Variants in AFG1L observed in about 807,000 individuals in gnomAD.
The protein encoded by AFG1L is AFG1 like ATPase.
In AFG1L, 53 loss-of-function variants were observed where a neutral mutation model predicts 62.2. The observed-to-expected ratio is 0.85, with a 90% CI of 0.68 to 1.07. The LOEUF is 1.07. Among genes scored for constraint, AFG1L ranks in the 50% least tolerant of loss-of-function variants. The probability of loss-of-function intolerance (pLI) is 0.00; values close to 1 mark genes in which losing one functional copy is unlikely to be tolerated. For missense variants in AFG1L, 555 were observed against 590.5 expected, an observed-to-expected ratio of 0.94 and a Z score of 0.62; for synonymous variants, 228 against 210.3, an observed-to-expected ratio of 1.08 and a Z score of -0.73.
chr6:108,504,488 C>T (rs1258022216), intron 10 of AFG1L, among the ~76,000 whole-genome samples: 1 of 152,000 alleles, frequency 6.6e-6, no homozygotes, highest in Non-Finnish European at 1.5e-5. Context: ...TTCGTGGCAC[C>T]CCAAAGCAAT....
intron 3 of AFG1L, among the ~76,000 whole-genome samples, chr6:108,354,302 T>G (rs949857988): frequency 6.7e-6 from 1 of 148,792 alleles, no homozygotes; most frequent in Non-Finnish European, 1.5e-5. Context: ...GAACCCTATG[T>G]TTTTTTTTTG....
intron 1 of AFG1L, among the ~76,000 whole-genome samples, chr6:108,319,239 A>G (rs945200471): frequency 1.3e-5 from 2 of 152,176 alleles, no homozygotes; most frequent in Non-Finnish European, 2.9e-5. Flanking sequence ...CTTTAAAATT[A>G]ATTAATTAAT....
chr6:108,367,074 T>G (rs1779792672), intron 6 of AFG1L, among the ~76,000 whole-genome samples: 1 of 152,170 alleles, frequency 6.6e-6, no homozygotes, highest in Non-Finnish European at 1.5e-5. Flanking sequence ...TTGGTGCTGC[T>G]TCCCTTTACC....
At chr6:108,329,164 C>T (rs1046901161) in intron 2 of AFG1L, among the ~76,000 whole-genome samples, 2 of 149,812 alleles carry the variant, frequency 1.3e-5, no homozygotes, top group African/African-American at 2.4e-5. Flanking sequence ...TGGTCTTGAT[C>T]TCTGGGCTCA....
chr6:108,482,654 T>C (rs1186916241), intron 10 of AFG1L, among the ~76,000 whole-genome samples: 1 of 152,168 alleles, frequency 6.6e-6, no homozygotes, highest in Non-Finnish European at 1.5e-5. Context: ...CACAGACTTT[T>C]CGTTTTTGAT....
chr6:108,380,253 G>A (rs988531090), intron 6 of AFG1L, among the ~76,000 whole-genome samples: 1 of 152,206 alleles, frequency 6.6e-6, no homozygotes, highest in African/African-American at 2.4e-5. Context: ...AGCAGAGAGA[G>A]CCTCGCAGCA....
chr6:108,455,004 A>G (rs916806193), intron 8 of AFG1L, among the ~76,000 whole-genome samples: 2 of 152,176 alleles, frequency 1.3e-5, no homozygotes, highest in Admixed American at 6.5e-5. Context: ...GAAACTGTCT[A>G]CTTTCTTGAG....
chr6:108,494,849 C>T (rs568858129), intron 10 of AFG1L, among the ~76,000 whole-genome samples: 41 of 151,520 alleles, frequency 2.7e-4, no homozygotes, highest in Non-Finnish European at 5.6e-4. Context: ...CAGCTCACTG[C>T]AACCTACGCC....
At chr6:108,424,330 G>A (rs1770723857) in intron 7 of AFG1L, among the ~76,000 whole-genome samples, 2 of 152,156 alleles carry the variant, frequency 1.3e-5, no homozygotes, top group East Asian at 3.9e-4. Context: ...TTTAAACTAT[G>A]ATAGATTTCT....
intron 11 of AFG1L, among the ~76,000 whole-genome samples, chr6:108,515,365 A>C (rs1014651111): frequency 6.6e-6 from 1 of 152,194 alleles, no homozygotes; most frequent in Non-Finnish European, 1.5e-5. Flanking sequence ...CCACTCAACT[A>C]CATGGAAACT....
intron 8 of AFG1L, among the ~76,000 whole-genome samples, chr6:108,475,081 G>T (rs938367298): frequency 1.3e-5 from 2 of 152,166 alleles, no homozygotes; most frequent in African/African-American, 4.8e-5. Flanking sequence ...CATAAGGAAG[G>T]GGTCCAGTTT....
At chr6:108,389,851 G>A (rs1476093134) in intron 6 of AFG1L, among the ~76,000 whole-genome samples, 5 of 152,026 alleles carry the variant, frequency 3.3e-5, no homozygotes, top group Admixed American at 1.3e-4. Flanking sequence ...TGACAATTAC[G>A]TGTCTTGGAG....
At chr6:108,519,896 A>G in intron 12 of AFG1L, 86 bp downstream of exon 12, 1 of 769,080 alleles carries the variant, frequency 1.3e-6, no homozygotes, top group Non-Finnish European at 2.1e-6. Context: ...TGAAGAAGAA[A>G]TGCAGTGTAT....
intron 7 of AFG1L, among the ~76,000 whole-genome samples, chr6:108,411,413 G>A (rs529234682): frequency 6.6e-6 from 1 of 152,180 alleles, no homozygotes; most frequent in African/African-American, 2.4e-5. Context: ...AAGAGAGTAG[G>A]GGTTCTCCCA....
intron 7 of AFG1L, among the ~76,000 whole-genome samples, chr6:108,410,233 G>C (rs886806523): frequency 1.3e-5 from 2 of 152,092 alleles, no homozygotes; most frequent in Non-Finnish European, 2.9e-5. Flanking sequence ...CTTGAACCTG[G>C]GGGGCAGAGG....
chr6:108,384,328 T>C (rs1290332), intron 6 of AFG1L, among the ~76,000 whole-genome samples: 10,403 of 152,212 alleles, frequency 0.068, 1,128 homozygotes, highest in African/African-American at 0.23. Flanking sequence ...AGGTTCTGTG[T>C]GTAACCCCTG....
intron 8 of AFG1L, among the ~76,000 whole-genome samples, chr6:108,458,119 G>A (rs1181977730): frequency 5.3e-5 from 8 of 152,040 alleles, no homozygotes; most frequent in Non-Finnish European, 2.9e-5. Context: ...ATGTGCATTG[G>A]TGTGGTTTTC....
chr6:108,471,405 T>C (rs1172859388), intron 8 of AFG1L, among the ~76,000 whole-genome samples: 1 of 152,042 alleles, frequency 6.6e-6, no homozygotes, highest in African/African-American at 2.4e-5. Flanking sequence ...TAAGATAGTA[T>C]TGGGCCATAG....
At chr6:108,408,255 C>G (rs1781953380) in intron 7 of AFG1L, among the ~76,000 whole-genome samples, 1 of 151,686 alleles carries the variant, frequency 6.6e-6, no homozygotes, top group Non-Finnish European at 1.5e-5. Context: ...CTGTTTTAGC[C>G]CTTCTAGGTG....
Sources: allele counts gnomAD v4.1 joint callset (sites outside exome capture counted in the v4.1 genomes callset), GRCh38; gene constraint gnomAD v4.1.1; transcripts MANE v1.5; gene names NCBI Gene and HGNC (gene_info 2026-07-23, HGNC 2026-07-21).